Variants in LARP1B observed in about 807,000 individuals in gnomAD.
The protein encoded by LARP1B is la-related protein 1B.
A neutral mutation model predicts 114.2 loss-of-function variants in LARP1B; 76 were observed. The observed-to-expected ratio is 0.67, with a 90% CI of 0.55 to 0.81. The LOEUF (loss-of-function observed/expected upper bound fraction) is 0.81. LARP1B is among the 30% of genes least tolerant of loss of function. The pLI is 0.00. For missense variants in LARP1B, 1,014 were observed against 1,075.8 expected (o/e 0.94, Z 0.80); for synonymous variants, 345 against 348.0 (o/e 0.99, Z 0.10).
chr4:128,093,331 T>C (rs1776536003), intron 7 of LARP1B, among the ~76,000 whole-genome samples: 1 of 151,984 alleles, frequency 6.6e-6, no homozygotes, highest in Non-Finnish European at 1.5e-5. Flanking sequence ...GTGCGGTGGC[T>C]CACGCCTGTA....
intron 15 of LARP1B, among the ~76,000 whole-genome samples, chr4:128,197,848 A>G (rs1754727844): frequency 6.7e-6 from 1 of 149,974 alleles, no homozygotes; most frequent in South Asian, 2.1e-4. Flanking sequence ...ACTTAATCAC[A>G]CAAGTGCTTT....
At chr4:128,214,151 T>TA (rs1156265219), downstream of LARP1B, among the ~76,000 whole-genome samples, 1 of 140,452 alleles carries the variant, frequency 7.1e-6, no homozygotes, top group African/African-American at 2.6e-5. Flanking sequence ...CAGAGGGTCC[T>TA]ACGCCCACGG....
rs1758797305 is a variant in LARP1B, at chr4:128,210,538, A to G, written c.*485A>G. 6 of 969,432 alleles carry G rather than the reference A, an allele frequency of 6.2e-6. No homozygotes were observed. Among genetic ancestry groups the G allele is most frequent in the Non-Finnish European group, 7.4e-6 (6 of 814,686 alleles). The allele number at this position is 969,432 out of a possible 1,614,324, so 60.1% of individuals were successfully genotyped here. A position where few individuals can be genotyped will look rare whatever the true frequency, so the allele number is the denominator to read the frequency against. ...ATATTTGAACTTACCAAAACAAAGG[A>G]GGATTACGTATATGTTTTTTAAATT... On this transcript the variant is annotated 3_prime_UTR_variant, in exon 20 of 20. Transcript: ENST00000326639.
rs149316870 is a variant in LARP1B at position 128,130,749 on chromosome 4, A to G, written c.1524+8561A>G. Reference sequence around the variant, plus strand: ...CGTGGATGTTTATAGCAGCTTATCCATAAATTGTCAAAACTTGGAAAAACC... The same window carrying G: ...CGTGGATGTTTATAGCAGCTTATCCGTAAATTGTCAAAACTTGGAAAAACC... On this transcript the variant is annotated intron_variant, in intron 11 of 19. Transcript: ENST00000326639. Among the ~76,000 whole-genome samples, 364 of 152,344 alleles carry G rather than the reference A, an allele frequency of 2.4e-3. 2 individuals carry two copies. The highest frequency in any genetic ancestry group is 8.1e-3 in the African/African-American group (336 of 41,580).
intron 11 of LARP1B, chr4:128,122,438 G>GC: frequency 8.4e-7 from 1 of 1,189,000 alleles, no homozygotes; most frequent in Non-Finnish European, 1.1e-6. Context: ...TTATACCCTT[G>GC]TTTTTTTTTT....
At chr4:128,071,566 C>A (rs1038314685) in intron 1 of LARP1B, among the ~76,000 whole-genome samples, 5 of 151,720 alleles carry the variant, frequency 3.3e-5, no homozygotes, top group African/African-American at 1.2e-4. Context: ...GGATTACAGG[C>A]GTCTACCACC....
chr4:128,113,090 ATTGAC>A (rs140335584), intron 9 of LARP1B, among the ~76,000 whole-genome samples: 1,869 of 152,270 alleles, frequency 0.012, 21 homozygotes, highest in South Asian at 0.032. Context: ...TTTTCAGTGA[ATTGAC>A]TTAGAGGAGT....
intron 17 of LARP1B, among the ~76,000 whole-genome samples, chr4:128,203,456 C>A (rs1021811144): frequency 6.6e-6 from 1 of 152,002 alleles, no homozygotes; most frequent in East Asian, 1.9e-4. Context: ...TCACTGCAAC[C>A]TCTGCCTCCT....
chr4:128,082,962 G>T (rs1488499510), intron 5 of LARP1B, among the ~76,000 whole-genome samples: 2 of 151,256 alleles, frequency 1.3e-5, no homozygotes, highest in African/African-American at 4.9e-5. Context: ...AGGACCCTGC[G>T]GCCTTCCGCA....
chr4:128,186,354 T>G (rs1277110256), intron 15 of LARP1B, among the ~76,000 whole-genome samples: 1 of 152,204 alleles, frequency 6.6e-6, no homozygotes, highest in East Asian at 1.9e-4. Flanking sequence ...TTCATCTGTG[T>G]TTTTTAGTTT....
chr4:128,200,522 G>A lies in LARP1B; in HGVS notation c.2166G>A (p.Glu722=). 6.9e-7 allele frequency: 1 copy of A among 1,446,574 alleles called. No individual in the cohort carries two copies. The highest frequency in any genetic ancestry group is 2.7e-5 in the Admixed American group (1 of 37,570). The allele number at this position is 1,446,574 out of a possible 1,614,324, so 89.6% of individuals were successfully genotyped here. The change falls in exon 17 of 20, where the codon GAG becomes GAA. Residue 722 remains glutamate (E), a splice_region_variant and synonymous_variant. Coordinates refer to ENST00000326639, the MANE Select transcript of LARP1B (RefSeq NM_018078.4). ...YHKYRRRCLS[E]RKRLGIGQSQ... ...AATATTTTATTTAACTTTTTTCAGAGAGAAAACGCTTGGGAATTGGTCAGT... is the reference window on the plus strand; with the variant it reads ...AATATTTTATTTAACTTTTTTCAGAAAGAAAACGCTTGGGAATTGGTCAGT...
At chr4:128,062,525 G>A (rs1324068155) in intron 1 of LARP1B, among the ~76,000 whole-genome samples, 1 of 151,002 alleles carries the variant, frequency 6.6e-6, no homozygotes, top group African/African-American at 2.4e-5. Flanking sequence ...TGTCCCCAGT[G>A]TTAGTGACTT....
rs377102754 is a variant in LARP1B, at chr4:128,122,438, G to GTTTTTTTTT, written c.1524+257_1524+265dup. ...TTAGTACTCACTGACTTATACCCTT[G>GTTTTTTTTT]TTTTTTTTTTTTTTTGTTTTGTTTT... On this transcript the variant is annotated intron_variant, in intron 11 of 19. Coordinates refer to ENST00000326639, the MANE Select transcript of LARP1B (RefSeq NM_018078.4). The GTTTTTTTTT allele has an allele frequency of 5.0e-6, 6 of 1,189,626 alleles. No individual in the cohort carries two copies. The African/African-American group carries it at 5.7e-5, about 11-fold the overall frequency. 73.7% of individuals were successfully genotyped at this position (1,189,626 alleles called of 1,614,324 possible).
intron 11 of LARP1B, among the ~76,000 whole-genome samples, chr4:128,131,451 A>T (rs997857377): frequency 1.3e-5 from 2 of 152,222 alleles, no homozygotes; most frequent in African/African-American, 4.8e-5. Flanking sequence ...GTAATATGCA[A>T]AGAGCTCTTA....
At chr4:128,142,979 A>AGT (rs1728709367) in intron 11 of LARP1B, among the ~76,000 whole-genome samples, 1 of 151,874 alleles carries the variant, frequency 6.6e-6, no homozygotes, top group Non-Finnish European at 1.5e-5. Context: ...TGGAGAGTCA[A>AGT]GTGAATCAAG....
intron 11 of LARP1B, among the ~76,000 whole-genome samples, chr4:128,148,360 G>A (rs1314458648): frequency 6.6e-6 from 1 of 152,000 alleles, no homozygotes; most frequent in Non-Finnish European, 1.5e-5. Context: ...GAACCTGGGA[G>A]GTGGAGGTTG....
chr4:128,187,279 C>A (rs927252086), intron 15 of LARP1B, among the ~76,000 whole-genome samples: 4 of 152,268 alleles, frequency 2.6e-5, no homozygotes, highest in African/African-American at 9.6e-5. Flanking sequence ...CCCTTAAGAG[C>A]AGCCATGTGG....
chr4:128,086,067 G>A (rs1487975482), intron 5 of LARP1B, among the ~76,000 whole-genome samples: 1 of 138,402 alleles, frequency 7.2e-6, no homozygotes, highest in African/African-American at 2.7e-5. Context: ...AGGCTGGAGT[G>A]CAGTGGCGCG....
intron 11 of LARP1B, among the ~76,000 whole-genome samples, chr4:128,135,918 ATG>A (rs762359163): frequency 2.0e-5 from 3 of 152,104 alleles, no homozygotes; most frequent in Non-Finnish European, 2.9e-5. Flanking sequence ...AAATTTTGTG[ATG>A]TGTTTTTTAA....
Sources: gnomAD v4.1 joint callset for allele counts (sites outside exome capture counted in the v4.1 genomes callset) on GRCh38, gnomAD v4.1.1 for gene constraint, MANE v1.5 for transcripts, NCBI Gene and HGNC (gene_info 2026-07-23, HGNC 2026-07-21) for gene names.